ATRX: variants seen among roughly 807,000 people sequenced by gnomAD.
ATRX encodes the protein chromatin remodeler ATRX.
In ATRX, 12 loss-of-function variants were observed where a neutral mutation model predicts 172.6. That is an observed-to-expected ratio of 0.07 (90% CI 0.04 to 0.11). The LOEUF (loss-of-function observed/expected upper bound fraction) is 0.11. Among genes scored for constraint, ATRX ranks in the 10% least tolerant of loss-of-function variants. The pLI is 1.00. For missense variants in ATRX, 1,368 were observed against 1,767.4 expected, an observed-to-expected ratio of 0.77 and a Z score of 4.05; for synonymous variants, 674 against 594.7, an observed-to-expected ratio of 1.13 and a Z score of -1.94.
At chrX:77,759,693 G>A (rs961922686) in intron 1 of ATRX, among the ~76,000 whole-genome samples, 8 of 110,263 alleles carry the variant, frequency 7.3e-5, no homozygotes, top group Non-Finnish European at 9.5e-5. Flanking sequence ...CAGCCTGGGC[G>A]ACCCAGCGAG....
At chrX:77,608,825 CT>C (rs781945473) in intron 22 of ATRX, among the ~76,000 whole-genome samples, 5 of 111,527 alleles carry the variant, frequency 4.5e-5, no homozygotes, top group African/African-American at 1.3e-4. Context: ...GAGAAAATAC[CT>C]GCAAACTACG....
intron 1 of ATRX, among the ~76,000 whole-genome samples, chrX:77,767,091 G>A (rs1430130444): frequency 1.4e-4 from 16 of 111,849 alleles, no homozygotes; most frequent in Non-Finnish European, 1.3e-4. Flanking sequence ...GTGGTGGCGC[G>A]CGCCTGCAAT....
At chrX:77,565,414 C>T (rs1458538915) in intron 28 of ATRX, among the ~76,000 whole-genome samples, 1 of 112,100 alleles carries the variant, frequency 8.9e-6, no homozygotes, top group Non-Finnish European at 1.9e-5. Flanking sequence ...GACACCAACA[C>T]TGAGATGACA....
intron 1 of ATRX, 75 bp downstream of exon 1, chrX:77,785,907 G>A: frequency 3.5e-6 from 4 of 1,133,629 alleles, no homozygotes; most frequent in Non-Finnish European, 4.7e-6. Flanking sequence ...CCAAGCGAAC[G>A]CCTTCCCAAA....
rs782443540 is a variant in ATRX at position 77,772,220 on chromosome X, G to A, written c.20+13762C>T. On this transcript the variant is annotated intron_variant, in intron 1 of 34. Transcript: ENST00000373344. ...GGCTGAGGCAGAATTGCTTGAACCC[G>A]GGAGGCAGAGAACCCGGGAGGCAGA... 8.4e-5 allele frequency among the ~76,000 whole-genome samples: 9 copies of A among 107,493 alleles called. No homozygotes were observed. In the South Asian group the frequency reaches 3.4e-3, roughly 40 times the overall value. 93.3% of individuals were successfully genotyped at this position (107,493 alleles called of 115,157 possible).
At chrX:77,734,481 A>G (rs1717529800) in intron 1 of ATRX, among the ~76,000 whole-genome samples, 1 of 111,885 alleles carries the variant, frequency 8.9e-6, no homozygotes, top group African/African-American at 3.2e-5. Flanking sequence ...ATATCCATAT[A>G]CGGAAGAATG....
intron 22 of ATRX, among the ~76,000 whole-genome samples, chrX:77,612,026 T>C (rs2067177835): frequency 8.9e-6 from 1 of 112,019 alleles, no homozygotes; most frequent in Non-Finnish European, 1.9e-5. Flanking sequence ...TACAAAAGAA[T>C]TAATATTTCC....
At chrX:77,733,317 G>A (rs1266194184) in intron 1 of ATRX, among the ~76,000 whole-genome samples, 2 of 111,135 alleles carry the variant, frequency 1.8e-5, no homozygotes, top group Admixed American at 9.6e-5. Flanking sequence ...AAACTTACAC[G>A]GAACTACAAA....
At chrX:77,637,486 G>A (rs781892507) in intron 15 of ATRX, among the ~76,000 whole-genome samples, 12 of 111,119 alleles carry the variant, frequency 1.1e-4, no homozygotes, top group Non-Finnish European at 3.8e-5. Flanking sequence ...AAGGTCATAC[G>A]ACTATTGAGT....
At chrX:77,743,037 G>A (rs1453713239) in intron 1 of ATRX, among the ~76,000 whole-genome samples, 3 of 111,022 alleles carry the variant, frequency 2.7e-5, no homozygotes, top group African/African-American at 9.8e-5. Context: ...GAGTAGGGGC[G>A]GGGATGGGGT....
At chrX:77,771,220 T>C (rs2076141799) in intron 1 of ATRX, among the ~76,000 whole-genome samples, 2 of 109,807 alleles carry the variant, frequency 1.8e-5, no homozygotes, top group African/African-American at 6.6e-5. Flanking sequence ...CTACTAAAAA[T>C]ACAAAATTAG....
At chrX:77,753,085 T>C (rs1392634229) in intron 1 of ATRX, among the ~76,000 whole-genome samples, 1 of 111,628 alleles carries the variant, frequency 9.0e-6, no homozygotes, top group Non-Finnish European at 1.9e-5. Flanking sequence ...CGGCTGTGAA[T>C]CCATCTGCTC....
rs1230189244 is a variant in ATRX, at chrX:77,717,492, A to T, written c.21-249T>A. On this transcript the variant is annotated intron_variant, in intron 1 of 34. Transcript: ENST00000373344. Reference sequence around the variant, plus strand: ...GTGGCTCATGCCTGTGGTCTCAGCTACTCAGGAGGCTGAGGTGGGAGGATG... The same window carrying T: ...GTGGCTCATGCCTGTGGTCTCAGCTTCTCAGGAGGCTGAGGTGGGAGGATG... Among the ~76,000 whole-genome samples the T allele has an allele frequency of 8.2e-5, 9 of 109,377 alleles. No homozygotes were observed. The East Asian group carries it at 1.7e-3, about 21-fold the overall frequency. 95.0% of individuals were successfully genotyped at this position (109,377 alleles called of 115,157 possible). A position where few individuals can be genotyped will look rare whatever the true frequency, so the allele number is the denominator to read the frequency against.
chrX:77,652,291 T>TTCC lies in ATRX; in HGVS notation c.4377_4379dup (p.Glu1464dup), dbSNP rs398123423. On this transcript the variant is annotated inframe_insertion, in exon 15 of 35. Coordinates refer to ENST00000373344, the MANE Select transcript of ATRX (RefSeq NM_000489.6). ...CATCATTTTCATCTTCCTCCTCCTCTTCCTCCTCCTCCTCCTCTTCCTCCT... is the reference window on the plus strand; with the variant it reads ...CATCATTTTCATCTTCCTCCTCCTCTTCCTCCTCCTCCTCCTCCTCTTCCTCCT... 10 of 1,204,434 alleles carry TTCC rather than the reference T, an allele frequency of 8.3e-6. No individual in the cohort carries two copies. In the African/African-American group the frequency reaches 1.4e-4, roughly 17 times the overall value.
intron 1 of ATRX, among the ~76,000 whole-genome samples, chrX:77,774,462 G>A (rs1418556009): frequency 9.0e-6 from 1 of 111,298 alleles, no homozygotes; most frequent in Admixed American, 9.6e-5. Flanking sequence ...CGGATCATGA[G>A]GTCAGGAGAT....
intron 22 of ATRX, among the ~76,000 whole-genome samples, chrX:77,604,790 T>C (rs1557089364): frequency 8.9e-6 from 1 of 112,591 alleles, no homozygotes; most frequent in East Asian, 2.8e-4. Flanking sequence ...ACACGTGGTA[T>C]ATATACACAG....
chrX:77,589,783 T>G, intron 27 of ATRX, 51 bp downstream of exon 27: 11 of 1,028,747 alleles, frequency 1.1e-5, no homozygotes, highest in Non-Finnish European at 1.4e-5. Flanking sequence ...TTGTATGGTA[T>G]GTTTAAATCA....
At chrX:77,544,696 CTGAGAATGA>C (rs1304388751) in intron 30 of ATRX, among the ~76,000 whole-genome samples, 1 of 109,367 alleles carries the variant, frequency 9.1e-6, no homozygotes, top group Non-Finnish European at 1.9e-5. Context: ...CGATAGTTTA[CTGAGAATGA>C]TGATTTCCAA....
intron 27 of ATRX, chrX:77,575,521 T>C (rs1308272657): frequency 9.0e-6 from 1 of 111,730 alleles, no homozygotes; most frequent in Non-Finnish European, 1.9e-5. Flanking sequence ...GAAAATGATA[T>C]GACTATTTTA....
Sources: gnomAD v4.1 joint callset for allele counts (sites outside exome capture counted in the v4.1 genomes callset) on GRCh38, gnomAD v4.1.1 for gene constraint, MANE v1.5 for transcripts, NCBI Gene and HGNC (gene_info 2026-07-23, HGNC 2026-07-21) for gene names.